The following SELPLG variants were observed in gnomAD, a reference collection of about 807,000 sequenced individuals.
The protein encoded by SELPLG is selectin P ligand.
Under a neutral mutation model 1.1 loss-of-function variants are expected in SELPLG, and 2 were observed. That is an observed-to-expected ratio of 1.82 (90% CI 0.74 to 5.71). The LOEUF (loss-of-function observed/expected upper bound fraction) is 5.71, where lower values mean the gene tolerates loss of function less well. SELPLG is among the 30% of genes most tolerant of loss of function. SELPLG has a pLI of 0.05. For missense variants in SELPLG, 478 were observed against 524.7 expected, an observed-to-expected ratio of 0.91 and a Z score of 0.87; for synonymous variants, 230 against 221.2, an observed-to-expected ratio of 1.04 and a Z score of -0.35.
chr12:108,631,557 T>C (rs1396341067), intron 1 of SELPLG, among the ~76,000 whole-genome samples: 1 of 152,136 alleles, frequency 6.6e-6, no homozygotes, highest in Non-Finnish European at 1.5e-5. Context: ...GCCCTCCTCA[T>C]GAAAAGTTAA....
chr12:108,623,478 G>C lies in SELPLG; in HGVS notation c.830C>G (p.Thr277Ser). 1 of 1,614,282 alleles carries C rather than the reference G, an allele frequency of 6.2e-7. No individual in the cohort carries two copies. Among genetic ancestry groups the C allele is most frequent in the Non-Finnish European group, 8.5e-7 (1 of 1,180,054 alleles). The change falls in exon 2 of 2, where the codon ACT becomes AGT. Residue 277 changes from threonine (T) to serine (S), a missense_variant. Coordinates refer to ENST00000550948, the MANE Select transcript of SELPLG (RefSeq NM_003006.4). ...GGGTATGAACAGACCTCTTTTGGTA[G>C]TAGGTTCCATGGACAGGGCCTCTGT... Reference protein sequence around the residue: ...SATEALSMEPTTKRGLFIPFS... With the variant: ...SATEALSMEPSTKRGLFIPFS...
intron 1 of SELPLG, among the ~76,000 whole-genome samples, chr12:108,633,232 T>C (rs3782521): frequency 0.37 from 56,323 of 152,122 alleles, 10,994 homozygotes; most frequent in African/African-American, 0.47. Context: ...AGGCTGGGGC[T>C]GGTGGGTCAC....
intron 1 of SELPLG, among the ~76,000 whole-genome samples, chr12:108,632,389 G>GGGGT (rs1011943938): frequency 4.1e-5 from 6 of 144,718 alleles, no homozygotes; most frequent in South Asian, 2.2e-4. Context: ...GACAATATGG[G>GGGGT]GTGTGTGTGT....
chr12:108,626,098 A>G (rs1267977081), intron 1 of SELPLG, among the ~76,000 whole-genome samples: 1 of 141,398 alleles, frequency 7.1e-6, no homozygotes, highest in African/African-American at 2.6e-5. Context: ...TCTCTTTCAT[A>G]TGTTAGTTAG....
At chr12:108,632,070 C>G (rs555489152) in intron 1 of SELPLG, 1 of 697,870 alleles carries the variant, frequency 1.4e-6, no homozygotes, top group Non-Finnish European at 2.4e-6. Context: ...CCAAGGTTCT[C>G]GGATGATTGA....
rs529344616 is a variant in SELPLG, at chr12:108,624,879, G to A, written c.-5-567C>T. On this transcript the variant is annotated intron_variant, in intron 1 of 1. Transcript: ENST00000550948. ...TAATTTGTGTATTTTTAGTAGAGAC[G>A]GGGTTTCACTATGTTGGCCAGGCTG... is the stretch of plus-strand genomic sequence containing the variant. 2.5e-3 allele frequency among the ~76,000 whole-genome samples: 386 copies of A among 152,006 alleles called. 3 individuals carry two copies. Among genetic ancestry groups the A allele is most frequent in the Non-Finnish European group, 9.6e-4 (65 of 67,942 alleles).
chr12:108,623,196 T>A lies in SELPLG; in HGVS notation c.1112A>T (p.Asp371Val). The A allele has an allele frequency of 6.2e-7, 1 of 1,613,654 alleles. No homozygotes were observed. Among genetic ancestry groups the A allele is most frequent in the Non-Finnish European group, 8.5e-7 (1 of 1,179,894 alleles). ...TGTGGCAGAGGGCCCCTCACCCCCA[T>A]CAGGCAACAGGGATGAGATGCAGAC... ...EMVCISSLLP[D>V]GGEGPSATAN... is the part of the protein sequence containing the mutation. Residue 371 changes from aspartate to valine, a missense_variant, in exon 2 of 2, where the codon GAT (aspartate) becomes GTT (valine). Asp to Val is a radical substitution (Grantham distance 152). Transcript: ENST00000550948.
chr12:108,632,608 A>G (rs1316871355), intron 1 of SELPLG, among the ~76,000 whole-genome samples: 1 of 151,492 alleles, frequency 6.6e-6, no homozygotes, highest in Non-Finnish European at 1.5e-5. Context: ...TCCCCCTCCC[A>G]GGTTCAAGTG....
In SELPLG at chr12:108,624,206, G is replaced by A. The variant is rs1473131553; in HGVS notation, c.102C>T (p.Pro34=). The A allele has an allele frequency of 1.2e-6, 2 of 1,614,182 alleles. No homozygotes were observed. The highest frequency in any genetic ancestry group is 1.7e-5 in the Admixed American group (1 of 60,022). The part of the protein sequence containing the change: ...WADEAEKALG[P]LLARDRRQAT... ...CCTGTCTCCGGTCCCGGGCAAGCAGGGGACCCAAGGCTTTCTCGGCTTCAT... is the reference window on the plus strand; with the variant it reads ...CCTGTCTCCGGTCCCGGGCAAGCAGAGGACCCAAGGCTTTCTCGGCTTCAT... The change falls in exon 2 of 2, where the codon CCC becomes CCT. Residue 34 remains proline (P), a synonymous_variant. Coordinates refer to ENST00000550948, the MANE Select transcript of SELPLG (RefSeq NM_003006.4).
intron 1 of SELPLG, among the ~76,000 whole-genome samples, chr12:108,625,328 T>C (rs892043026): frequency 5.9e-4 from 90 of 152,338 alleles, no homozygotes; most frequent in African/African-American, 2.0e-3. Context: ...CTTGTCTTGG[T>C]CCCATTTGCT....
At chr12:108,630,056 C>T (rs887727793) in intron 1 of SELPLG, among the ~76,000 whole-genome samples, 1 of 152,178 alleles carries the variant, frequency 6.6e-6, no homozygotes, top group African/African-American at 2.4e-5. Context: ...TTCCACCTCT[C>T]CTCTTCCTGG....
intron 1 of SELPLG, among the ~76,000 whole-genome samples, chr12:108,626,106 TAGA>T: frequency 6.6e-6 from 1 of 151,698 alleles, no homozygotes; most frequent in Non-Finnish European, 1.5e-5. Flanking sequence ...ATATGTTAGT[TAGA>T]ATTATGTTGG....
At chr12:108,625,451 C>T (rs986245556) in intron 1 of SELPLG, among the ~76,000 whole-genome samples, 2 of 152,230 alleles carry the variant, frequency 1.3e-5, no homozygotes, top group African/African-American at 4.8e-5. Flanking sequence ...ACTTCGTTTG[C>T]ATGACAACCT....
chr12:108,627,425 A>G (rs979421268), intron 1 of SELPLG, among the ~76,000 whole-genome samples: 1 of 152,210 alleles, frequency 6.6e-6, no homozygotes, highest in African/African-American at 2.4e-5. Flanking sequence ...GGCCTGCCAC[A>G]TATTTACCGG....
chr12:108,631,524 A>C (rs2032052895), intron 1 of SELPLG, among the ~76,000 whole-genome samples: 1 of 152,164 alleles, frequency 6.6e-6, no homozygotes, highest in South Asian at 2.1e-4. Flanking sequence ...GCTGGGATTT[A>C]TAGGCATGAG....
chr12:108,631,965 G>A, intron 1 of SELPLG: 3 of 1,533,068 alleles, frequency 2.0e-6, no homozygotes, highest in Non-Finnish European at 2.6e-6. Context: ...GAACTCCATG[G>A]GCATCCTGCA....
chr12:108,631,530 A>G (rs1309491819), intron 1 of SELPLG, among the ~76,000 whole-genome samples: 1 of 152,196 alleles, frequency 6.6e-6, no homozygotes, highest in East Asian at 1.9e-4. Flanking sequence ...ATTTATAGGC[A>G]TGAGCCACGG....
intron 1 of SELPLG, among the ~76,000 whole-genome samples, chr12:108,629,576 G>A (rs2032007023): frequency 1.3e-5 from 2 of 152,304 alleles, no homozygotes; most frequent in East Asian, 3.9e-4. Context: ...CAGGTATGCT[G>A]GTGATGCCTG....
At chr12:108,633,168 C>T (rs867999177) in intron 1 of SELPLG, among the ~76,000 whole-genome samples, 9 of 152,108 alleles carry the variant, frequency 5.9e-5, no homozygotes, top group East Asian at 5.8e-4. Context: ...ATCAGAATGC[C>T]GCCAAGCCAG....
Sources: allele counts gnomAD v4.1 joint callset (sites outside exome capture counted in the v4.1 genomes callset), GRCh38; gene constraint gnomAD v4.1.1; transcripts MANE v1.5; gene names NCBI Gene and HGNC (gene_info 2026-07-23, HGNC 2026-07-21).